The following C13orf46 variants were observed in gnomAD, a reference collection of about 807,000 sequenced individuals.
C13orf46 encodes the protein chromosome 13 open reading frame 46.
chr13:113,928,008 C>T, the C13orf46 span: 1 of 193,656 alleles, frequency 5.2e-6, no homozygotes, highest in East Asian at 1.1e-4. Context: ...ACCCACAAAA[C>T]TCCACGGAGA....
the C13orf46 span, among the ~76,000 whole-genome samples, chr13:113,936,677 G>A: frequency 6.6e-6 from 1 of 152,154 alleles, no homozygotes; most frequent in South Asian, 2.1e-4. Flanking sequence ...CTAGTTTAGG[G>A]GAAGAGAGTC....
At chr13:113,938,605 C>A in the C13orf46 span, among the ~76,000 whole-genome samples, 1 of 152,228 alleles carries the variant, frequency 6.6e-6, no homozygotes, top group Non-Finnish European at 1.5e-5. Flanking sequence ...ACTTGGGATT[C>A]CTAACCTAGT....
In C13orf46 at chr13:113,966,687, TTAA is replaced by T. The variant is rs1358165359; in HGVS notation, c.504+651_504+653del. 3.3e-5 allele frequency among the ~76,000 whole-genome samples: 5 copies of T among 151,498 alleles called. 1 individual carries two copies. The highest frequency in any genetic ancestry group is 1.2e-4 in the African/African-American group (5 of 41,228). On this transcript the variant is annotated intron_variant, in intron 5 of 6. Coordinates refer to ENST00000636427, the MANE Select transcript of C13orf46 (RefSeq NM_001365455.2). ...TGGTGATGTGATAATGATGGTGATA[TTAA>T]TGATGATGGTGATAATGTTTATGGG...
chr13:113,969,510 C>T (rs1434960391), intron 2 of C13orf46, among the ~76,000 whole-genome samples: 62 of 152,244 alleles, frequency 4.1e-4, no homozygotes, highest in Admixed American at 6.5e-5. Context: ...GCCGCTTCGG[C>T]GGCCGGACAC....
chr13:113,970,623 C>T (rs1208213857), intron 1 of C13orf46, among the ~76,000 whole-genome samples: 1 of 152,212 alleles, frequency 6.6e-6, no homozygotes, highest in Non-Finnish European at 1.5e-5. Flanking sequence ...CAAGACCTGC[C>T]CATGCCGGCT....
At chr13:113,928,651 T>C in the C13orf46 span, 1 of 152,746 alleles carries the variant, frequency 6.5e-6, no homozygotes, top group Admixed American at 6.5e-5. Flanking sequence ...AAAAGAAGCA[T>C]GTCCACCTCA....
rs1370152913 is a variant in C13orf46 at position 113,955,209 on chromosome 13, C to T, written c.*1564G>A. 3.1e-4 allele frequency: 32 copies of T among 104,526 alleles called. No homozygotes were observed. Among genetic ancestry groups the T allele is most frequent in the African/African-American group, 1.2e-3 (26 of 20,936 alleles). The allele number at this position is 104,526 out of a possible 1,614,324, so 6.5% of individuals were successfully genotyped here. ...GGAGAGGAGGAGCATCCCGTGGAGA[C>T]GAGGAGCATCCCGTGGAGACGAGGA... On this transcript the variant is annotated 3_prime_UTR_variant, in exon 7 of 7. Transcript: ENST00000636427.
chr13:113,942,117 C>CA, the C13orf46 span, among the ~76,000 whole-genome samples: 2 of 152,248 alleles, frequency 1.3e-5, no homozygotes, highest in Admixed American at 6.5e-5. Context: ...ACAAAACGCA[C>CA]AGAGGCCGTG....
chr13:113,957,219 C>T (rs1377726733), intron 6 of C13orf46, among the ~76,000 whole-genome samples: 2 of 150,402 alleles, frequency 1.3e-5, no homozygotes, highest in African/African-American at 2.5e-5. Flanking sequence ...GCCTGCACCC[C>T]CTTTCATCAA....
the C13orf46 span, among the ~76,000 whole-genome samples, chr13:113,946,189 C>T: frequency 2.0e-5 from 3 of 152,194 alleles, no homozygotes; most frequent in African/African-American, 7.2e-5. Context: ...TGTCAAGCTC[C>T]CCAGCGGAGA....
the C13orf46 span, among the ~76,000 whole-genome samples, chr13:113,944,534 CCAGGTGTGTGATGAGTCCTG>C: frequency 6.6e-6 from 1 of 151,598 alleles, no homozygotes; most frequent in Non-Finnish European, 1.5e-5. Context: ...GACGGGCCCT[CCAGGTGTGTGATGAGTCCTG>C]CAGGTGTGTG....
chr13:113,934,070 C>T, the C13orf46 span, among the ~76,000 whole-genome samples: 1 of 152,176 alleles, frequency 6.6e-6, no homozygotes, highest in East Asian at 1.9e-4. Flanking sequence ...CGGGGCCCTT[C>T]TCTAACCCAC....
chr13:113,969,443 C>T (rs2052681322), intron 2 of C13orf46, among the ~76,000 whole-genome samples: 2 of 152,230 alleles, frequency 1.3e-5, no homozygotes, highest in African/African-American at 4.8e-5. Flanking sequence ...CTCCAGGCGC[C>T]GCACACATCC....
At chr13:113,940,317 C>T in the C13orf46 span, among the ~76,000 whole-genome samples, 3 of 152,372 alleles carry the variant, frequency 2.0e-5, no homozygotes, top group Non-Finnish European at 4.4e-5. Context: ...GATGAGCCAG[C>T]CTGCAGCACA....
chr13:113,941,728 G>GTGC, the C13orf46 span, among the ~76,000 whole-genome samples: 2 of 152,326 alleles, frequency 1.3e-5, no homozygotes, highest in East Asian at 3.9e-4. Context: ...GGCACCCTGG[G>GTGC]TGCTGCCCCC....
the C13orf46 span, among the ~76,000 whole-genome samples, chr13:113,931,854 C>T: frequency 0.12 from 18,173 of 152,030 alleles, 1,113 homozygotes; most frequent in Admixed American, 0.15. Context: ...TTAAGACGTA[C>T]GGTTTGATAA....
At chr13:113,943,650 G>T in the C13orf46 span, among the ~76,000 whole-genome samples, 1 of 152,192 alleles carries the variant, frequency 6.6e-6, no homozygotes, top group South Asian at 2.1e-4. Context: ...CCACCTCTCG[G>T]GTTACATTTT....
In C13orf46 at chr13:113,954,802, TGGTGGAGACGAGGAGCATCC is replaced by T. The variant is rs2052507521; in HGVS notation, c.*1951_*1970del. ...CCAGCTGGTGGAGACGAGGAGCAGC[TGGTGGAGACGAGGAGCATCC>T]GGTGGAGATGAGGAGCATCCGGTGG... On this transcript the variant is annotated 3_prime_UTR_variant, in exon 7 of 7. Transcript: ENST00000636427. 9.1e-5 allele frequency: 18 copies of T among 197,868 alleles called. No homozygotes were observed. The highest frequency in any genetic ancestry group is 1.0e-4 in the Non-Finnish European group (10 of 97,718). 12.3% of individuals were successfully genotyped at this position (197,868 alleles called of 1,614,324 possible).
chr13:113,940,512 CAT>C, the C13orf46 span, among the ~76,000 whole-genome samples: 1 of 133,014 alleles, frequency 7.5e-6, no homozygotes, highest in Non-Finnish European at 1.7e-5. Context: ...TCTGGGACTC[CAT>C]GTGTGAGGCT....
Sources: gnomAD v4.1 joint callset for allele counts (sites outside exome capture counted in the v4.1 genomes callset) on GRCh38, gnomAD v4.1.1 for gene constraint, MANE v1.5 for transcripts, NCBI Gene and HGNC (gene_info 2026-07-23, HGNC 2026-07-21) for gene names.